SLFN12L: variants seen among roughly 807,000 people sequenced by gnomAD.
SLFN12L encodes the protein schlafen family member 12 like, also known as schlafen family member 12-like.
Under a neutral mutation model 34.8 loss-of-function variants are expected in SLFN12L, and 34 were observed. The observed-to-expected ratio is 0.98, with a 90% CI of 0.74 to 1.30. SLFN12L has a LOEUF of 1.30. Ranked by LOEUF, SLFN12L falls within the 50% of genes most tolerant of loss-of-function variation. The pLI, the probability that SLFN12L is intolerant of heterozygous loss-of-function variation, is 0.00. For missense variants in SLFN12L, 703 were observed against 696.2 expected (o/e 1.01, Z -0.11); for synonymous variants, 259 against 247.5 (o/e 1.05, Z -0.44).
chr17:35,507,755 G>T (rs1374246657), intron 2 of SLFN12L, among the ~76,000 whole-genome samples: 1 of 152,162 alleles, frequency 6.6e-6, no homozygotes, highest in African/African-American at 2.4e-5. Flanking sequence ...TTCTTCAAAT[G>T]ATAAAAAGCT....
intron 2 of SLFN12L, among the ~76,000 whole-genome samples, chr17:35,494,136 G>T (rs1186719384): frequency 6.6e-6 from 1 of 151,996 alleles, no homozygotes; most frequent in Non-Finnish European, 1.5e-5. Flanking sequence ...TAAAAAGGAA[G>T]TATTTCTCCC....
intron 2 of SLFN12L, chr17:35,487,705 T>C: frequency 6.9e-7 from 1 of 1,448,942 alleles, no homozygotes; most frequent in African/African-American, 2.7e-5. Flanking sequence ...AAAAAGTTAT[T>C]TAAAGAAAAA....
rs1392146145 is a variant in SLFN12L at position 35,468,828 on chromosome 17, C to T, written c.*6095G>A. 6.6e-6 allele frequency among the ~76,000 whole-genome samples: 1 copy of T among 152,044 alleles called. No homozygotes were observed. The highest frequency in any genetic ancestry group is 1.5e-5 in the Non-Finnish European group (1 of 68,016). ...TCCCAGGAGTTCAAACCAGCCTGGG[C>T]AACATGGGGAGACCCCATCTCTACA... On this transcript the variant is annotated 3_prime_UTR_variant, in exon 5 of 5. Transcript: ENST00000628453.
chr17:35,537,110 G>T (rs117896376), intron 1 of SLFN12L, among the ~76,000 whole-genome samples: 2,598 of 152,088 alleles, frequency 0.017, 29 homozygotes, highest in Middle Eastern at 0.068. Context: ...GCCCTGGAAG[G>T]TCGAAGCTGC....
At chr17:35,492,486 G>A (rs761592801) in intron 2 of SLFN12L, among the ~76,000 whole-genome samples, 12 of 152,178 alleles carry the variant, frequency 7.9e-5, no homozygotes, top group South Asian at 2.1e-4. Flanking sequence ...AGACATCCCC[G>A]TTGTGTGAGT....
chr17:35,498,559 C>A, intron 2 of SLFN12L: 1 of 1,453,006 alleles, frequency 6.9e-7, no homozygotes, highest in Non-Finnish European at 9.7e-7. Flanking sequence ...CCAAAAAGTA[C>A]AGTGGAAAGT....
intron 2 of SLFN12L, among the ~76,000 whole-genome samples, chr17:35,483,463 CAGA>C (rs953247415): frequency 3.3e-5 from 5 of 152,190 alleles, no homozygotes; most frequent in Admixed American, 3.3e-4. Context: ...ATGAAAAACA[CAGA>C]AGAAGTTGAC....
intron 2 of SLFN12L, among the ~76,000 whole-genome samples, chr17:35,496,247 G>A (rs957923493): frequency 6.6e-6 from 1 of 152,054 alleles, no homozygotes; most frequent in African/African-American, 2.4e-5. Flanking sequence ...ACTTTGGGAG[G>A]CCGAAATGGG....
chr17:35,475,326 T>A lies in SLFN12L; in HGVS notation c.1436A>T (p.Glu479Val). Residue 479 changes from glutamate to valine, a missense_variant, in exon 5 of 5, where the codon GAG becomes GTG. Transcript: ENST00000628453. ...RSWSLDLGLQ[E>V]NHKVLCDALL... ...AGCATCACAGAGGACTTTGTGGTTC[T>A]CTTGCAAGCCCAGATCCAAAGACCA... 1 of 1,614,216 alleles carries A rather than the reference T, an allele frequency of 6.2e-7. No homozygotes were observed. The highest frequency in any genetic ancestry group is 8.5e-7 in the Non-Finnish European group (1 of 1,180,036).
At chr17:35,537,354 A>G (rs2072472214) in intron 1 of SLFN12L, among the ~76,000 whole-genome samples, 1 of 152,174 alleles carries the variant, frequency 6.6e-6, no homozygotes, top group African/African-American at 2.4e-5. Flanking sequence ...AGGTGAGTAC[A>G]GTCTAAGGAC....
chr17:35,490,897 A>G (rs1914810516), intron 2 of SLFN12L: 3 of 832,526 alleles, frequency 3.6e-6, no homozygotes, highest in Non-Finnish European at 4.3e-6. Flanking sequence ...AACACAGTCC[A>G]ATGACAACAA....
chr17:35,481,293 C>A (rs1201983376), intron 2 of SLFN12L, among the ~76,000 whole-genome samples: 1 of 152,198 alleles, frequency 6.6e-6, no homozygotes, highest in Admixed American at 6.5e-5. Context: ...GCTCCACCAC[C>A]TCTTGTGGAA....
Position 35,522,880 on chromosome 17 carries a change from G to T in SLFN12L, c.-516C>A, listed in dbSNP as rs1040834700. ...ATTCCCCAGGAGAAAGGTTGGGTTT[G>T]CTTATTTATTAACTCCTCTAATCCT... On this transcript the variant is annotated 5_prime_UTR_variant, in exon 2 of 5. Transcript: ENST00000628453. 2 of 836,082 alleles carry T rather than the reference G, an allele frequency of 2.4e-6. No homozygotes were observed. Among genetic ancestry groups the T allele is most frequent in the African/African-American group, 1.7e-5 (1 of 58,030 alleles). The allele number at this position is 836,082 out of a possible 1,614,324, so 51.8% of individuals were successfully genotyped here. A position where few individuals can be genotyped will look rare whatever the true frequency, so the allele number is the denominator to read the frequency against.
At chr17:35,488,384 G>T (rs931665449) in intron 2 of SLFN12L, among the ~76,000 whole-genome samples, 7 of 152,232 alleles carry the variant, frequency 4.6e-5, no homozygotes, top group Non-Finnish European at 2.9e-5. Flanking sequence ...GTTGCTCTCA[G>T]AGAGACAGAG....
intron 1 of SLFN12L, among the ~76,000 whole-genome samples, chr17:35,529,711 G>C (rs1197718443): frequency 6.6e-6 from 1 of 151,938 alleles, no homozygotes; most frequent in African/African-American, 2.4e-5. Flanking sequence ...GGGGGCTAGG[G>C]GAGGGACAAC....
At chr17:35,497,495 T>G (rs927863467) in intron 2 of SLFN12L, among the ~76,000 whole-genome samples, 4 of 152,130 alleles carry the variant, frequency 2.6e-5, no homozygotes, top group Non-Finnish European at 5.9e-5. Flanking sequence ...CTGTCTGTAG[T>G]CCTAGCTACT....
intron 1 of SLFN12L, among the ~76,000 whole-genome samples, chr17:35,530,408 AG>A (rs1471856279): frequency 2.8e-4 from 3 of 10,650 alleles, no homozygotes; most frequent in Admixed American, 1.5e-3. Flanking sequence ...GAAGGAAGGA[AG>A]GAAGGAAGGA....
intron 1 of SLFN12L, among the ~76,000 whole-genome samples, chr17:35,532,590 T>C (rs1414253023): frequency 6.6e-6 from 1 of 152,126 alleles, no homozygotes; most frequent in Admixed American, 6.5e-5. Context: ...TGGAAAACTT[T>C]TTTTAAAACT....
At chr17:35,528,755 G>A (rs1024003477) in intron 1 of SLFN12L, among the ~76,000 whole-genome samples, 5 of 152,164 alleles carry the variant, frequency 3.3e-5, no homozygotes, top group African/African-American at 1.2e-4. Context: ...AGGAAACCTA[G>A]GCAATAACAT....
Sources: allele counts gnomAD v4.1 joint callset (sites outside exome capture counted in the v4.1 genomes callset), GRCh38; gene constraint gnomAD v4.1.1; transcripts MANE v1.5; gene names NCBI Gene and HGNC (gene_info 2026-07-23, HGNC 2026-07-21).